Variants in GSG1L observed in about 807,000 individuals in gnomAD.
The protein encoded by GSG1L is GSG1 like, also known as germ cell-specific gene 1-like protein.
GSG1L carries 24 observed loss-of-function variants against 42.1 expected under a neutral mutation model. The observed-to-expected ratio is 0.57, with a 90% CI of 0.41 to 0.80. GSG1L has a LOEUF of 0.80. Among genes scored for constraint, GSG1L ranks in the 30% least tolerant of loss-of-function variants. The pLI is 0.00. For missense variants in GSG1L, 445 were observed against 472.2 expected (o/e 0.94, Z 0.53); for synonymous variants, 215 against 203.5 (o/e 1.06, Z -0.48).
At chr16:27,801,433 G>A (rs917497607) in intron 6 of GSG1L, among the ~76,000 whole-genome samples, 4 of 152,172 alleles carry the variant, frequency 2.6e-5, no homozygotes, top group Admixed American at 6.5e-5. Context: ...TAATAATGCC[G>A]GCTCCCTGAC....
In GSG1L at chr16:27,802,160, A is replaced by G. The variant is rs554668206; in HGVS notation, c.898+5327T>C. On this transcript the variant is annotated intron_variant, in intron 6 of 6. Transcript: ENST00000447459. The stretch of plus-strand genomic sequence containing the variant: ...CTTTCAAGCTCTGGCCACACAGTGC[A>G]CGAATGGCTTGGGTCTGTCTCCCCA... 5.9e-5 allele frequency among the ~76,000 whole-genome samples: 9 copies of G among 152,244 alleles called. No homozygotes were observed. The South Asian group carries it at 1.5e-3, about 25-fold the overall frequency.
chr16:27,865,839 A>T (rs2083717895), intron 3 of GSG1L, among the ~76,000 whole-genome samples: 1 of 151,666 alleles, frequency 6.6e-6, no homozygotes, highest in Admixed American at 6.6e-5. Flanking sequence ...CTATGACCAC[A>T]GGTGCACACC....
At chr16:27,865,181 G>T (rs2083699103) in intron 3 of GSG1L, among the ~76,000 whole-genome samples, 1 of 152,086 alleles carries the variant, frequency 6.6e-6, no homozygotes, top group African/African-American at 2.4e-5. Flanking sequence ...GCCATCTCCT[G>T]GGATGTCCCT....
chr16:27,859,290 T>G (rs577468658), intron 3 of GSG1L, among the ~76,000 whole-genome samples: 3 of 152,290 alleles, frequency 2.0e-5, no homozygotes, highest in Non-Finnish European at 4.4e-5. Flanking sequence ...CCACCTCTGT[T>G]CTGGGACAGG....
intron 2 of GSG1L, among the ~76,000 whole-genome samples, chr16:27,945,897 G>C (rs1222454336): frequency 6.6e-6 from 1 of 152,260 alleles, no homozygotes; most frequent in Non-Finnish European, 1.5e-5. Context: ...GGCCACAGGA[G>C]CCAGCAGATG....
In GSG1L at chr16:28,043,745, G is replaced by T. The variant is rs1220934155; in HGVS notation, c.349+19331C>A. Among the ~76,000 whole-genome samples, 3 of 152,264 alleles carry T rather than the reference G, an allele frequency of 2.0e-5. No individual in the cohort carries two copies. In the East Asian group the frequency reaches 5.8e-4, roughly 29 times the overall value. On this transcript the variant is annotated intron_variant, in intron 1 of 6. Transcript: ENST00000447459. ...CCACTTTGAAAGACGGTTTGGGCCGGGTGTGGTGGCACACGCCTGTAATCC... is the reference window on the plus strand; with the variant it reads ...CCACTTTGAAAGACGGTTTGGGCCGTGTGTGGTGGCACACGCCTGTAATCC...
At chr16:27,826,790 C>G (rs1382938275) in intron 5 of GSG1L, among the ~76,000 whole-genome samples, 1 of 152,148 alleles carries the variant, frequency 6.6e-6, no homozygotes, top group African/African-American at 2.4e-5. Context: ...ATTCTGGGGT[C>G]AAAGAGGGTC....
At chr16:27,796,778 GC>G (rs2082822339) in intron 6 of GSG1L, among the ~76,000 whole-genome samples, 2 of 152,144 alleles carry the variant, frequency 1.3e-5, no homozygotes, top group Admixed American at 6.6e-5. Context: ...TCTCTTTCTT[GC>G]CCTTGGGATG....
intron 1 of GSG1L, among the ~76,000 whole-genome samples, chr16:28,030,930 G>A (rs1383940419): frequency 6.8e-6 from 1 of 147,924 alleles, no homozygotes; most frequent in Non-Finnish European, 1.5e-5. Context: ...GGATGGGATG[G>A]GATGAGTTGT....
At chr16:27,941,574 A>C (rs1426869457) in intron 2 of GSG1L, among the ~76,000 whole-genome samples, 1 of 124,828 alleles carries the variant, frequency 8.0e-6, no homozygotes, top group Non-Finnish European at 1.7e-5. Context: ...CAGGAGGCTG[A>C]GGCAGGAGAA....
At chr16:27,833,867 A>T (rs984501939) in intron 4 of GSG1L, among the ~76,000 whole-genome samples, 4 of 152,202 alleles carry the variant, frequency 2.6e-5, no homozygotes, top group Non-Finnish European at 5.9e-5. Flanking sequence ...GTCTACACAG[A>T]TAATCATAAC....
chr16:27,999,636 G>A (rs1270130927), intron 1 of GSG1L, among the ~76,000 whole-genome samples: 1 of 152,120 alleles, frequency 6.6e-6, no homozygotes, highest in Admixed American at 6.5e-5. Flanking sequence ...TATAAGCTCT[G>A]CCTCCCTAAC....
rs562983437 is a variant in GSG1L at position 27,813,905 on chromosome 16, G to A, written c.831-6351C>T. On this transcript the variant is annotated intron_variant, in intron 5 of 6. Transcript: ENST00000447459. ...ATGACCCTGTGCAGCTCACTGGGCC[G>A]CTCTGAATCTCAGTTTTCTTATGTG... is the stretch of plus-strand genomic sequence containing the variant. Among the ~76,000 whole-genome samples, 12 of 152,250 alleles carry A rather than the reference G, an allele frequency of 7.9e-5. No homozygotes were observed. In the East Asian group the frequency reaches 1.3e-3, roughly 17 times the overall value.
chr16:27,896,858 T>C (rs907586009), intron 2 of GSG1L, among the ~76,000 whole-genome samples: 3 of 152,202 alleles, frequency 2.0e-5, no homozygotes, highest in Admixed American at 1.3e-4. Context: ...CACTTTGGTA[T>C]TTTGTTGTTG....
At chr16:27,993,917 C>T (rs4788027) in intron 1 of GSG1L, among the ~76,000 whole-genome samples, 36,458 of 152,000 alleles carry the variant, frequency 0.24, 4,885 homozygotes, top group South Asian at 0.35. Context: ...GAGGACAGGG[C>T]GAAGCTACCA....
intron 1 of GSG1L, among the ~76,000 whole-genome samples, chr16:28,000,155 T>C (rs2085566279): frequency 6.6e-6 from 1 of 152,190 alleles, no homozygotes; most frequent in African/African-American, 2.4e-5. Flanking sequence ...TGCTCACATG[T>C]GACATTCTGT....
intron 3 of GSG1L, among the ~76,000 whole-genome samples, chr16:27,857,273 T>C (rs1487951713): frequency 2.7e-5 from 4 of 149,816 alleles, no homozygotes; most frequent in Non-Finnish European, 5.9e-5. Context: ...CTAAAAAATA[T>C]AAAAATTAGC....
rs2083054840 is a variant in GSG1L, at chr16:27,813,266, C to T, written c.831-5712G>A. 1.3e-5 allele frequency among the ~76,000 whole-genome samples: 2 copies of T among 152,168 alleles called. 1 individual carries two copies. Among genetic ancestry groups the T allele is most frequent in the African/African-American group, 4.8e-5 (2 of 41,440 alleles). On this transcript the variant is annotated intron_variant, in intron 5 of 6. Transcript: ENST00000447459. Reference sequence around the variant, plus strand: ...CCCACCCTCCACCTTCAAGTAGGTCCTGGTGTCTGTTGTTCCCTCATCATT... The same window carrying T: ...CCCACCCTCCACCTTCAAGTAGGTCTTGGTGTCTGTTGTTCCCTCATCATT...
intron 3 of GSG1L, among the ~76,000 whole-genome samples, chr16:27,849,344 A>G (rs1165588640): frequency 6.6e-6 from 1 of 152,206 alleles, no homozygotes; most frequent in Non-Finnish European, 1.5e-5. Context: ...ACGAGAAGTC[A>G]GTAAAAGGCT....
Sources: gnomAD v4.1 joint callset for allele counts (sites outside exome capture counted in the v4.1 genomes callset) on GRCh38, gnomAD v4.1.1 for gene constraint, MANE v1.5 for transcripts, NCBI Gene and HGNC (gene_info 2026-07-23, HGNC 2026-07-21) for gene names.